PIK3R5: variants seen among roughly 807,000 people sequenced by gnomAD.
The protein encoded by PIK3R5 is phosphoinositide 3-kinase regulatory subunit 5.
A neutral mutation model predicts 94.9 loss-of-function variants in PIK3R5; 32 were observed. The ratio of observed to expected loss-of-function variants is 0.34; its 90% confidence interval spans 0.25 to 0.45. The LOEUF (loss-of-function observed/expected upper bound fraction) is 0.45. Among genes scored for constraint, PIK3R5 ranks in the 20% least tolerant of loss-of-function variants. The pLI, the probability that PIK3R5 is intolerant of heterozygous loss-of-function variation, is 1.00. For missense variants in PIK3R5, 853 were observed against 1,144.6 expected, an observed-to-expected ratio of 0.75 and a Z score of 3.68; for synonymous variants, 443 against 479.4, an observed-to-expected ratio of 0.92 and a Z score of 0.99.
At position 8,887,131 on chromosome 17, in the gene PIK3R5, C is replaced by A; in HGVS notation, c.1870G>T (p.Gly624Cys). The change falls in exon 12 of 19, where the codon GGC becomes TGC. Residue 624 changes from glycine to cysteine, a missense_variant. This residue lies in a region of PIK3R5 where 173 missense variants were observed against 274.1 expected (regional missense o/e 0.63). Coordinates refer to ENST00000447110, the MANE Select transcript of PIK3R5 (RefSeq NM_001142633.3). ...ACTTCAGGGGGCAGGTGCATGAGGC[C>A]CAGTACATTGCGCTCATACCAGGGG... ...LDPWYERNVL[G>C]LMHLPPEVLC... 2 of 1,614,038 alleles carry A rather than the reference C, an allele frequency of 1.2e-6. No individual in the cohort carries two copies. Among genetic ancestry groups the A allele is most frequent in the East Asian group, 4.5e-5 (2 of 44,870 alleles).
intron 1 of PIK3R5, among the ~76,000 whole-genome samples, chr17:8,930,958 G>A (rs2090976393): frequency 6.6e-6 from 1 of 152,170 alleles, no homozygotes; most frequent in African/African-American, 2.4e-5. Context: ...TATCTTGACT[G>A]TATCAAGGTC....
At chr17:8,895,240 A>C (rs1443913290) in intron 5 of PIK3R5, among the ~76,000 whole-genome samples, 1 of 152,204 alleles carries the variant, frequency 6.6e-6, no homozygotes, top group Non-Finnish European at 1.5e-5. Context: ...CTCCCTGACC[A>C]TAAAACACAT....
chr17:8,914,935 G>T (rs1010066725), intron 1 of PIK3R5, among the ~76,000 whole-genome samples: 5 of 152,256 alleles, frequency 3.3e-5, no homozygotes, highest in African/African-American at 1.2e-4. Flanking sequence ...GCAGGTTAAA[G>T]ATGGGAAATT....
At chr17:8,915,317 G>A (rs971590031) in intron 1 of PIK3R5, among the ~76,000 whole-genome samples, 19 of 151,782 alleles carry the variant, frequency 1.3e-4, no homozygotes, top group Non-Finnish European at 2.1e-4. Flanking sequence ...ACAGCTACTC[G>A]GGAGGCTGAG....
chr17:8,949,986 C>T (rs1054700148), intron 1 of PIK3R5, among the ~76,000 whole-genome samples: 32 of 152,274 alleles, frequency 2.1e-4, no homozygotes, highest in African/African-American at 7.5e-4. Context: ...ATTCTCTATA[C>T]ATTATTAAAA....
chr17:8,888,332 A>T lies in PIK3R5; in HGVS notation c.1455T>A (p.Gly485=). The T allele has an allele frequency of 6.2e-7, 1 of 1,612,532 alleles. No homozygotes were observed. The highest frequency in any genetic ancestry group is 2.2e-5 in the East Asian group (1 of 44,846). ...RSRSLPQPKL[G]TQLPSWLLAP... The stretch of plus-strand genomic sequence containing the variant: ...CCAGAAGCCAGCTGGGCAGCTGGGT[A>T]CCGAGTTTGGGCTGGGGCAGGGAGC... Residue 485 remains glycine, a synonymous_variant, in exon 10 of 19, where the codon GGT becomes GGA. Transcript: ENST00000447110. This position sits in a 1 kb window ranked among gnomAD's most constrained non-coding sequence, Gnocchi z 7.8.
At chr17:8,917,103 C>G (rs1047455676) in intron 1 of PIK3R5, among the ~76,000 whole-genome samples, 1 of 152,110 alleles carries the variant, frequency 6.6e-6, no homozygotes, top group Non-Finnish European at 1.5e-5. Flanking sequence ...CCACCGTGAC[C>G]TAAGTAAAAG....
intron 3 of PIK3R5, among the ~76,000 whole-genome samples, chr17:8,907,015 A>G (rs2090410718): frequency 6.6e-6 from 1 of 152,124 alleles, no homozygotes; most frequent in African/African-American, 2.4e-5. Flanking sequence ...GTAGACCTCC[A>G]TAACTTATTA....
rs148014382 is a variant in PIK3R5, at chr17:8,939,366, T to C, written c.-14+26230A>G. Among the ~76,000 whole-genome samples the C allele has an allele frequency of 5.2e-3, 795 of 152,314 alleles. 3 individuals carry two copies. The highest frequency in any genetic ancestry group is 0.018 in the African/African-American group (764 of 41,562). ...TACAGACCCCTCTTCAGAATAATGC[T>C]TTAAATGCATGAAATAAAATACACA... On this transcript the variant is annotated intron_variant, in intron 1 of 18. Transcript: ENST00000447110.
At chr17:8,914,014 C>A (rs772193345) in intron 1 of PIK3R5, among the ~76,000 whole-genome samples, 1 of 152,220 alleles carries the variant, frequency 6.6e-6, no homozygotes, top group Non-Finnish European at 1.5e-5. Context: ...GGCAGCCCGA[C>A]CACAAGACCC....
At chr17:8,906,966 A>G (rs1188409037) in intron 3 of PIK3R5, among the ~76,000 whole-genome samples, 1 of 152,168 alleles carries the variant, frequency 6.6e-6, no homozygotes, top group Non-Finnish European at 1.5e-5. Context: ...ATGCCCTTGG[A>G]TAATATCCAT....
In PIK3R5 at chr17:8,911,589, A is replaced by C. The variant is rs989701966; in HGVS notation, c.-13-82T>G. The C allele has an allele frequency of 1.3e-5, 12 of 900,742 alleles. 1 individual carries two copies. The South Asian group carries it at 1.7e-4, about 13-fold the overall frequency. The allele number at this position is 900,742 out of a possible 1,614,324, so 55.8% of individuals were successfully genotyped here. On this transcript the variant is annotated intron_variant, in intron 1 of 18. Coordinates refer to ENST00000447110, the MANE Select transcript of PIK3R5 (RefSeq NM_001142633.3). This position sits in a 1 kb window ranked among gnomAD's most constrained non-coding sequence, Gnocchi z 5.3. ...GGTCCAGTAAAGACAACAGGTGCTCACAGTGCAGCGCGATCAGCCCAGCCC... is the reference window on the plus strand; with the variant it reads ...GGTCCAGTAAAGACAACAGGTGCTCCCAGTGCAGCGCGATCAGCCCAGCCC...
At chr17:8,883,993 C>G (rs1597370755) in intron 15 of PIK3R5, among the ~76,000 whole-genome samples, 1 of 152,288 alleles carries the variant, frequency 6.6e-6, no homozygotes, top group Middle Eastern at 3.4e-3. Context: ...TGTTTTATTG[C>G]TTTGTCATCA....
rs527457139 is a variant in PIK3R5 at position 8,950,286 on chromosome 17, C to G, written c.-14+15310G>C. Reference sequence around the variant, plus strand: ...GAACCCTGCCTTTGGTCCTTTATAGCATGATTGTGGTAAAATATATGCAAT... The same window carrying G: ...GAACCCTGCCTTTGGTCCTTTATAGGATGATTGTGGTAAAATATATGCAAT... On this transcript the variant is annotated intron_variant, in intron 1 of 18. Coordinates refer to ENST00000447110, the MANE Select transcript of PIK3R5 (RefSeq NM_001142633.3). Among the ~76,000 whole-genome samples the G allele has an allele frequency of 2.0e-5, 3 of 152,284 alleles. No individual in the cohort carries two copies. In the East Asian group the frequency reaches 5.8e-4, roughly 29 times the overall value.
chr17:8,956,348 G>A (rs1040144119), intron 1 of PIK3R5, among the ~76,000 whole-genome samples: 3 of 151,898 alleles, frequency 2.0e-5, no homozygotes, highest in Non-Finnish European at 4.4e-5. Context: ...GTCTGAAGAG[G>A]GACTCATAGT....
Position 8,881,381 on chromosome 17 carries a change from A to G in PIK3R5, c.2382+249T>C, listed in dbSNP as rs2089652546. Among the ~76,000 whole-genome samples, 1 of 151,870 alleles carries G rather than the reference A, an allele frequency of 6.6e-6. No individual in the cohort carries two copies. On this transcript the variant is annotated intron_variant, in intron 17 of 18. Coordinates refer to ENST00000447110, the MANE Select transcript of PIK3R5 (RefSeq NM_001142633.3). The surrounding 1 kb of genome is among the most constrained non-coding windows in gnomAD (Gnocchi z 4.8). ...TTTCCACATACACGCGTCCTCTCAC[A>G]GGGCACCCCTACCTCCCCGACACCC...
At chr17:8,950,143 A>G (rs1486578190) in intron 1 of PIK3R5, among the ~76,000 whole-genome samples, 4 of 152,214 alleles carry the variant, frequency 2.6e-5, no homozygotes, top group Non-Finnish European at 1.5e-5. Flanking sequence ...TAGTTTCATG[A>G]TGATGTAAAA....
At chr17:8,937,880 G>A (rs1469207289) in intron 1 of PIK3R5, among the ~76,000 whole-genome samples, 2 of 152,134 alleles carry the variant, frequency 1.3e-5, no homozygotes, top group Non-Finnish European at 2.9e-5. Flanking sequence ...CACAATCTCG[G>A]CTCATTGCAA....
intron 1 of PIK3R5, among the ~76,000 whole-genome samples, chr17:8,921,765 TA>T (rs1442357147): frequency 1.1e-4 from 17 of 152,176 alleles, no homozygotes; most frequent in Non-Finnish European, 2.2e-4. Context: ...TTCAATACCA[TA>T]AAAAATTAAT....
Sources: gnomAD v4.1 joint callset for allele counts (sites outside exome capture counted in the v4.1 genomes callset) on GRCh38, gnomAD v4.1.1 for gene constraint, gnomAD v4.1.1 regional missense constraint, Gnocchi (gnomAD v3.1) non-coding constraint, MANE v1.5 for transcripts, NCBI Gene and HGNC (gene_info 2026-07-23, HGNC 2026-07-21) for gene names.